The following MAP4K5 variants were observed in gnomAD, a reference collection of about 807,000 sequenced individuals.
MAP4K5 encodes the protein MAPK/ERK kinase kinase kinase 5.
In MAP4K5, 82 loss-of-function variants were observed where a neutral mutation model predicts 135.6. The ratio of observed to expected loss-of-function variants is 0.60; its 90% CI spans 0.51 to 0.73. MAP4K5 has a LOEUF of 0.73. Ranked by LOEUF, MAP4K5 falls within the 30% of genes least tolerant of loss-of-function variation. The pLI, the probability that MAP4K5 is intolerant of heterozygous loss-of-function variation, is 0.00. For synonymous variants in MAP4K5, 347 were observed against 335.0 expected (o/e 1.04, Z -0.39); for missense variants, 907 against 1,010.9 (o/e 0.90, Z 1.39).
intron 1 of MAP4K5, among the ~76,000 whole-genome samples, chr14:50,544,522 A>G (rs140889269): frequency 7.2e-4 from 110 of 152,314 alleles, no homozygotes; most frequent in African/African-American, 2.5e-3. Flanking sequence ...TTTCCTTGCT[A>G]TTAACAGGGT....
chr14:50,443,836 T>C, intron 19 of MAP4K5, 66 bp from the exon 20 acceptor site: 1 of 1,510,788 alleles, frequency 6.6e-7, no homozygotes, highest in Non-Finnish European at 9.0e-7. Flanking sequence ...TTGAGACATT[T>C]AGAACTTCTG....
chr14:50,450,589 T>A (rs1025186553), intron 14 of MAP4K5: 36 of 152,196 alleles, frequency 2.4e-4, no homozygotes, highest in African/African-American at 7.7e-4. Flanking sequence ...GTATGAAGGA[T>A]GAACTCCAAA....
At chr14:50,507,938 G>C (rs2037847697) in intron 2 of MAP4K5, among the ~76,000 whole-genome samples, 2 of 152,148 alleles carry the variant, frequency 1.3e-5, no homozygotes, top group South Asian at 4.1e-4. Context: ...GTCTAATGTT[G>C]ACAGTAGGGT....
chr14:50,498,042 T>A (rs958878394), intron 3 of MAP4K5, among the ~76,000 whole-genome samples: 5 of 152,190 alleles, frequency 3.3e-5, no homozygotes, highest in African/African-American at 1.2e-4. Context: ...TGGTAAGTTT[T>A]CCCACAAACT....
chr14:50,420,128 G>A, intron 32 of MAP4K5, 22 bp from the exon 33 acceptor site: 3 of 1,370,320 alleles, frequency 2.2e-6, no homozygotes, highest in East Asian at 2.3e-5. Context: ...CCAAAACAAA[G>A]GGCTTAAGAG....
At chr14:50,485,472 G>T in intron 5 of MAP4K5, 106 bp downstream of exon 5, 1 of 710,554 alleles carries the variant, frequency 1.4e-6, no homozygotes, top group Non-Finnish European at 2.4e-6. Context: ...ACAGAAGAAT[G>T]CAAAATAGTA....
At chr14:50,504,639 TCACATCAAAC>T (rs1363849033) in intron 3 of MAP4K5, among the ~76,000 whole-genome samples, 151 bp downstream of exon 3, 1 of 152,130 alleles carries the variant, frequency 6.6e-6, no homozygotes, top group Non-Finnish European at 1.5e-5. Flanking sequence ...AACAAAACTG[TCACATCAAAC>T]TTACCTTTAA....
intron 28 of MAP4K5, among the ~76,000 whole-genome samples, 179 bp from the exon 29 acceptor site, chr14:50,429,439 T>A (rs2139646356): frequency 6.6e-6 from 1 of 152,320 alleles, no homozygotes; most frequent in East Asian, 1.9e-4. Flanking sequence ...AGGACAAATA[T>A]GTCCTAAGCA....
upstream of MAP4K5, among the ~76,000 whole-genome samples, chr14:50,533,888 C>T (rs183559531): frequency 2.6e-4 from 40 of 152,304 alleles, 1 homozygote; most frequent in Admixed American, 2.3e-3. Context: ...TTTTCTTGTG[C>T]TCCACACACA....
intron 9 of MAP4K5, among the ~76,000 whole-genome samples, chr14:50,474,387 T>A (rs1230179559): frequency 3.3e-5 from 5 of 150,088 alleles, no homozygotes; most frequent in Non-Finnish European, 7.4e-5. Context: ...AAACCCTGTC[T>A]CAGAAAAAAA....
Position 50,485,648 on chromosome 14 carries a change from A to AT in MAP4K5, c.258-7_258-6insA, listed in dbSNP as rs1566672456. The AT allele has an allele frequency of 3.4e-5, 52 of 1,520,234 alleles. No homozygotes were observed. Among genetic ancestry groups the AT allele is most frequent in the Middle Eastern group, 1.7e-4 (1 of 5,868 alleles). The allele number at this position is 1,520,234 out of a possible 1,614,324, so 94.2% of individuals were successfully genotyped here. ...AAATCCATAGTTTTTCCCGACTAAT[A>AT]CAAAAAAAAAAGAAAATTATATTAG... On this transcript the variant is annotated splice_region_variant and splice_polypyrimidine_tract_variant and intron_variant, in intron 4 of 32. Coordinates refer to ENST00000682126, the MANE Select transcript of MAP4K5 (RefSeq NM_006575.6).
rs1241185186 is a variant in MAP4K5, at chr14:50,437,973, C to T, written c.1744G>A (p.Ala582Thr). 2 of 1,611,730 alleles carry T rather than the reference C, an allele frequency of 1.2e-6. No homozygotes were observed. Among genetic ancestry groups the T allele is most frequent in the African/African-American group, 2.7e-5 (2 of 74,794 alleles). ...GGTTTTTTGGCATGTTCAAACAAAG[C>T]TATAAGATTGTGAGAGTAGAGCTGA... ...TFQLYSHNLIALFEHAKKPGL... is the reference protein window; with the variant it reads ...TFQLYSHNLITLFEHAKKPGL... The change falls in exon 25 of 33, where the codon GCT becomes ACT. Residue 582 changes from alanine (A) to threonine (T), a missense_variant. Ala to Thr is a moderately conservative substitution (Grantham distance 58). Transcript: ENST00000682126.
intron 14 of MAP4K5, among the ~76,000 whole-genome samples, chr14:50,454,922 G>A (rs2036567970): frequency 6.6e-6 from 1 of 151,904 alleles, no homozygotes; most frequent in African/African-American, 2.4e-5. Flanking sequence ...GGGAGGGGCA[G>A]AGAGTAGGAG....
chr14:50,454,950 G>T (rs1204586369), intron 14 of MAP4K5, among the ~76,000 whole-genome samples: 2 of 151,866 alleles, frequency 1.3e-5, no homozygotes, highest in Non-Finnish European at 2.9e-5. Context: ...AGTTCTAACA[G>T]ATATTATCAA....
At chr14:50,501,418 A>T (rs933157198) in intron 3 of MAP4K5, among the ~76,000 whole-genome samples, 8 of 151,956 alleles carry the variant, frequency 5.3e-5, no homozygotes, top group African/African-American at 1.7e-4. Flanking sequence ...CCCAGCTATA[A>T]TTTTTTTTAA....
At chr14:50,518,641 G>C (rs896088202) in intron 2 of MAP4K5, among the ~76,000 whole-genome samples, 28 of 152,156 alleles carry the variant, frequency 1.8e-4, no homozygotes, top group African/African-American at 6.0e-4. Context: ...AGAGCCTAAA[G>C]CCTTCCCTTA....
chr14:50,499,681 T>C (rs1016638821), intron 3 of MAP4K5, among the ~76,000 whole-genome samples: 12 of 149,860 alleles, frequency 8.0e-5, no homozygotes, highest in Middle Eastern at 3.5e-3. Flanking sequence ...GTCACTGATA[T>C]GGAAGACTTT....
In MAP4K5 at chr14:50,560,664, G is replaced by C. The variant is rs567109741; in HGVS notation, c.-180+376C>G. Reference sequence around the variant, plus strand: ...GGAAGGCTATGGGGGTGGGCAGGGGGCTGTTGTTACTCGGCCCCAGAGGGG... The same window carrying C: ...GGAAGGCTATGGGGGTGGGCAGGGGCCTGTTGTTACTCGGCCCCAGAGGGG... On this transcript the variant is annotated intron_variant, in intron 1 of 8. Transcript: ENST00000555216. 3.0e-4 allele frequency among the ~76,000 whole-genome samples: 45 copies of C among 152,362 alleles called. 2 individuals carry two copies. Among genetic ancestry groups the C allele is most frequent in the Admixed American group, 2.4e-3 (36 of 15,304 alleles).
chr14:50,560,178 G>C (rs2038817983), intron 1 of MAP4K5: 2 of 1,533,088 alleles, frequency 1.3e-6, no homozygotes, highest in Admixed American at 1.8e-5. Flanking sequence ...GCGCGGGCAC[G>C]GAGCCTCCCA....
Sources: allele counts gnomAD v4.1 joint callset (sites outside exome capture counted in the v4.1 genomes callset), GRCh38; gene constraint gnomAD v4.1.1; transcripts MANE v1.5; gene names NCBI Gene and HGNC (gene_info 2026-07-23, HGNC 2026-07-21).